The following TMEM131L variants were observed in gnomAD, a reference collection of about 807,000 sequenced individuals.
TMEM131L encodes the protein transmembrane 131 like.
In TMEM131L, 54 loss-of-function variants were observed where a neutral mutation model predicts 192.2. The ratio of observed to expected loss-of-function variants is 0.28; its 90% CI spans 0.23 to 0.35. The LOEUF is 0.35. TMEM131L is among the 10% of genes least tolerant of loss of function. The probability of loss-of-function intolerance (pLI) is 1.00; values close to 1 mark genes in which losing one functional copy is unlikely to be tolerated. For synonymous variants in TMEM131L, 701 were observed against 704.9 expected (o/e 0.99, Z 0.09); for missense variants, 1,888 against 1,972.9 (o/e 0.96, Z 0.82).
At chr4:153,527,828 G>A (rs1352227824) in intron 3 of TMEM131L, among the ~76,000 whole-genome samples, 5 of 152,196 alleles carry the variant, frequency 3.3e-5, no homozygotes, top group Admixed American at 1.3e-4. Flanking sequence ...ACTCTGAGGT[G>A]AAGGCTGTTT....
At chr4:153,551,346 G>A (rs1737604353) in intron 4 of TMEM131L, among the ~76,000 whole-genome samples, 1 of 146,876 alleles carries the variant, frequency 6.8e-6, no homozygotes, top group South Asian at 2.1e-4. Context: ...CAGTGAAGGA[G>A]AATGAACTTG....
intron 26 of TMEM131L, among the ~76,000 whole-genome samples, chr4:153,614,367 T>A: frequency 6.6e-6 from 1 of 152,232 alleles, no homozygotes; most frequent in East Asian, 1.9e-4. Context: ...CGTAGAGAAC[T>A]GAATTGTTGC....
At chr4:153,553,069 G>A (rs537952081) in intron 4 of TMEM131L, among the ~76,000 whole-genome samples, 2 of 151,802 alleles carry the variant, frequency 1.3e-5, no homozygotes, top group Non-Finnish European at 2.9e-5. Flanking sequence ...CCTAATAGTC[G>A]CATGCTGAGA....
At chr4:153,472,804 A>G (rs559324665) in intron 2 of TMEM131L, among the ~76,000 whole-genome samples, 1 of 152,310 alleles carries the variant, frequency 6.6e-6, no homozygotes, top group South Asian at 2.1e-4. Context: ...CCCAAGAGGC[A>G]GTGGGGGAAT....
intron 29 of TMEM131L, 65 bp from the exon 30 acceptor site, chr4:153,626,082 A>G: frequency 1.0e-6 from 1 of 998,980 alleles, no homozygotes; most frequent in South Asian, 1.4e-5. Context: ...TATGCATTTT[A>G]ATACCGAATA....
At chr4:153,603,748 G>A (rs1299082644) in intron 24 of TMEM131L, 54 bp from the exon 25 acceptor site, 2 of 1,515,412 alleles carry the variant, frequency 1.3e-6, no homozygotes, top group Non-Finnish European at 1.8e-6. Flanking sequence ...AAGCAGACAA[G>A]TAGAGTTTGA....
At chr4:153,522,155 C>T (rs950793453) in intron 3 of TMEM131L, among the ~76,000 whole-genome samples, 6 of 152,052 alleles carry the variant, frequency 3.9e-5, no homozygotes, top group Non-Finnish European at 7.4e-5. Flanking sequence ...GTCTGTGAGG[C>T]TGTGGTGAAG....
At chr4:153,528,555 T>C (rs879518735) in intron 3 of TMEM131L, among the ~76,000 whole-genome samples, 2 of 152,228 alleles carry the variant, frequency 1.3e-5, no homozygotes, top group Non-Finnish European at 2.9e-5. Flanking sequence ...AAAATACTTT[T>C]AAATTTAAGG....
intron 7 of TMEM131L, among the ~76,000 whole-genome samples, chr4:153,577,808 G>A (rs1456713743): frequency 6.6e-6 from 1 of 152,174 alleles, no homozygotes; most frequent in East Asian, 1.9e-4. Flanking sequence ...ATAATGATAG[G>A]GTTGATGAAT....
intron 8 of TMEM131L, 133 bp downstream of exon 8, chr4:153,581,036 G>A (rs1179455222): frequency 5.7e-5 from 35 of 609,088 alleles, no homozygotes; most frequent in Admixed American, 1.4e-4. Flanking sequence ...AGTGGATCAC[G>A]AGGTCAGGAG....
intron 7 of TMEM131L, among the ~76,000 whole-genome samples, chr4:153,563,456 CT>C (rs1177255196): frequency 3.4e-3 from 301 of 88,198 alleles, no homozygotes; most frequent in African/African-American, 6.1e-3. Context: ...GATATGTACC[CT>C]TTTTTTTTTT....
At chr4:153,612,092 A>G (rs1732659894) in intron 25 of TMEM131L, among the ~76,000 whole-genome samples, 160 bp from the exon 26 acceptor site, 1 of 152,148 alleles carries the variant, frequency 6.6e-6, no homozygotes, top group Admixed American at 6.5e-5. Context: ...ACTTTCATCT[A>G]TGAACAAAAT....
intron 3 of TMEM131L, among the ~76,000 whole-genome samples, chr4:153,539,971 A>G (rs1323828622): frequency 1.3e-5 from 2 of 152,044 alleles, no homozygotes; most frequent in African/African-American, 2.4e-5. Context: ...TTAGCCGGGC[A>G]TGGTGGCGGG....
intron 7 of TMEM131L, among the ~76,000 whole-genome samples, chr4:153,579,512 T>G (rs1175780780): frequency 6.6e-6 from 1 of 152,208 alleles, no homozygotes; most frequent in Non-Finnish European, 1.5e-5. Flanking sequence ...ATTTTATTCT[T>G]TTTCTTAAAA....
intron 3 of TMEM131L, among the ~76,000 whole-genome samples, chr4:153,496,460 A>C (rs931730416): frequency 5.3e-5 from 8 of 152,216 alleles, no homozygotes; most frequent in Admixed American, 2.0e-4. Flanking sequence ...CAGGGATTTC[A>C]GTAATCTAAG....
chr4:153,558,560 T>C, intron 7 of TMEM131L, 192 bp downstream of exon 7: 1 of 397,140 alleles, frequency 2.5e-6, no homozygotes, highest in Non-Finnish European at 4.6e-6. Flanking sequence ...ATTCCAGAGT[T>C]TGCTTAATCT....
At chr4:153,517,654 A>G (rs1734828688) in intron 3 of TMEM131L, among the ~76,000 whole-genome samples, 2 of 152,184 alleles carry the variant, frequency 1.3e-5, no homozygotes, top group African/African-American at 4.8e-5. Context: ...TGTTCAAGGA[A>G]GCTTGGTTAC....
chr4:153,555,957 G>A lies in TMEM131L; in HGVS notation c.432+47G>A. On this transcript the variant is annotated intron_variant, in intron 5 of 34. Coordinates refer to ENST00000409959, the MANE Select transcript of TMEM131L (RefSeq NM_001131007.2). The surrounding 1 kb of genome is among the most constrained non-coding windows in gnomAD (Gnocchi z 4.1). The stretch of plus-strand genomic sequence containing the variant: ...GAAACTATGCCGTGGCAGGCAGCCA[G>A]GTTTTCTTGCTTTCTTTGGCCTGAA... The A allele has an allele frequency of 6.5e-7, 1 of 1,540,260 alleles. No individual in the cohort carries two copies. Among genetic ancestry groups the A allele is most frequent in the South Asian group, 1.2e-5 (1 of 82,560 alleles).
In TMEM131L at chr4:153,501,945, T is replaced by TTTG. The variant is rs1280684433; in HGVS notation, c.239+28059_239+28060insGTT. On this transcript the variant is annotated intron_variant, in intron 3 of 34. Coordinates refer to ENST00000409959, the MANE Select transcript of TMEM131L (RefSeq NM_001131007.2). Reference sequence around the variant, plus strand: ...TTCCTGGAAGTATCCCCCAAAGGGTTTTTTTTTTTTTTTTTTTTTTTAAAT... The same window carrying TTTG: ...TTCCTGGAAGTATCCCCCAAAGGGTTTTGTTTTTTTTTTTTTTTTTTTTTAAAT... Among the ~76,000 whole-genome samples the TTTG allele has an allele frequency of 2.1e-5, 3 of 141,914 alleles. No individual in the cohort carries two copies. In the East Asian group the frequency reaches 6.1e-4, roughly 29 times the overall value. 93.1% of individuals were successfully genotyped at this position (141,914 alleles called of 152,430 possible). A position where few individuals can be genotyped will look rare whatever the true frequency, so the allele number is the denominator to read the frequency against.
Sources: gnomAD v4.1 joint callset for allele counts (sites outside exome capture counted in the v4.1 genomes callset) on GRCh38, gnomAD v4.1.1 for gene constraint, Gnocchi (gnomAD v3.1) non-coding constraint, MANE v1.5 for transcripts, NCBI Gene and HGNC (gene_info 2026-07-23, HGNC 2026-07-21) for gene names.